The following MAOA variants were observed in gnomAD, a reference collection of about 807,000 sequenced individuals.
MAOA encodes amine oxidase [flavin-containing] A.
In MAOA, 6 loss-of-function variants were observed where a neutral mutation model predicts 42.0. The observed-to-expected ratio is 0.14, with a 90% CI of 0.08 to 0.28. MAOA has a LOEUF of 0.28. Among genes scored for constraint, MAOA ranks in the 10% least tolerant of loss-of-function variants. The probability of loss-of-function intolerance (pLI) is 1.00; values close to 1 mark genes in which losing one functional copy is unlikely to be tolerated. For missense variants in MAOA, 262 were observed against 422.3 expected (o/e 0.62, Z 3.33); for synonymous variants, 140 against 154.0 (o/e 0.91, Z 0.67).
In MAOA at chrX:43,683,626, T is replaced by C. The variant is rs374766274; in HGVS notation, c.168+19T>C. The C allele has an allele frequency of 6.3e-6, 7 of 1,107,312 alleles. No homozygotes were observed. The highest frequency in any genetic ancestry group is 4.8e-4 in the Middle Eastern group (2 of 4,150). The allele number at this position is 1,107,312 out of a possible 1,213,427, so 91.3% of individuals were successfully genotyped here. On this transcript the variant is annotated intron_variant, in intron 2 of 14. Coordinates refer to ENST00000338702, the MANE Select transcript of MAOA (RefSeq NM_000240.4). ...TATAAGGGTAAGTGATTTTAATACT[T>C]ACATGTAATGTAATATCTCACTCAA...
intron 1 of MAOA, among the ~76,000 whole-genome samples, chrX:43,659,441 T>C (rs1009626444): frequency 9.0e-6 from 1 of 111,691 alleles, no homozygotes; most frequent in Admixed American, 9.6e-5. Flanking sequence ...GGATCCTGAA[T>C]TTTTATCCCA....
intron 5 of MAOA, among the ~76,000 whole-genome samples, chrX:43,721,245 G>A (rs1206151198): frequency 9.0e-6 from 1 of 111,461 alleles, no homozygotes; most frequent in African/African-American, 3.3e-5. Context: ...AGAGGACAGG[G>A]ACAAGCTTTT....
At chrX:43,721,680 C>A (rs2033789947) in intron 5 of MAOA, among the ~76,000 whole-genome samples, 1 of 106,521 alleles carries the variant, frequency 9.4e-6, no homozygotes, top group African/African-American at 3.6e-5. Context: ...GGAGCTAACT[C>A]ATAATTTCTT....
chrX:43,715,370 C>T (rs748441031), intron 5 of MAOA, among the ~76,000 whole-genome samples: 2 of 110,583 alleles, frequency 1.8e-5, no homozygotes, highest in Non-Finnish European at 3.8e-5. Flanking sequence ...ATATACCTTC[C>T]AGGAATGGTC....
chrX:43,688,169 T>C (rs2033502535), intron 2 of MAOA, among the ~76,000 whole-genome samples: 1 of 112,935 alleles, frequency 8.9e-6, no homozygotes. Context: ...TGTAACCTCA[T>C]CTTCAATTTT....
At chrX:43,685,407 G>T (rs937489672) in intron 2 of MAOA, among the ~76,000 whole-genome samples, 9 of 111,642 alleles carry the variant, frequency 8.1e-5, no homozygotes, top group Non-Finnish European at 1.1e-4. Flanking sequence ...CAGGGATCCT[G>T]GGAAAGTAAG....
chrX:43,695,994 A>C (rs1257502201), intron 3 of MAOA, among the ~76,000 whole-genome samples: 1 of 111,808 alleles, frequency 8.9e-6, no homozygotes, highest in Non-Finnish European at 1.9e-5. Flanking sequence ...ATGTCTCTGA[A>C]ATTTTCTGGG....
At chrX:43,688,287 G>A (rs1259627220) in intron 2 of MAOA, among the ~76,000 whole-genome samples, 6 of 111,588 alleles carry the variant, frequency 5.4e-5, no homozygotes, top group African/African-American at 1.6e-4. Flanking sequence ...AGGAGTTTTT[G>A]CTTTTTTTTT....
chrX:43,703,252 C>G (rs2033637105), intron 3 of MAOA, among the ~76,000 whole-genome samples: 1 of 111,317 alleles, frequency 9.0e-6, no homozygotes, highest in African/African-American at 3.3e-5. Context: ...CTGTGATACA[C>G]AAGGTGGATG....
At chrX:43,743,723 G>A (rs2033977718) in intron 12 of MAOA, 71 bp from the exon 13 acceptor site, 10 of 1,058,354 alleles carry the variant, frequency 9.4e-6, no homozygotes, top group East Asian at 3.3e-5. Context: ...ACTAAATGAG[G>A]GCAGTGATTG....
intron 2 of MAOA, 57 bp from the exon 3 acceptor site, chrX:43,693,234 A>T (rs750163160): frequency 2.4e-5 from 27 of 1,119,008 alleles, no homozygotes; most frequent in Non-Finnish European, 1.4e-5. Flanking sequence ...TTTTTACAAG[A>T]CACCTTTTTT....
Position 43,743,794 on chromosome X carries a change from G to C in MAOA, c.1263G>C (p.Arg421Ser), listed in dbSNP as rs1382723471. ...FPPGIMTQYG[R>S]VIRQPVGRIF... ...GTGTAACCTCTTGGTTCCCTTGAAGGGTGATTCGTCAACCCGTGGGCAGGA... is the reference window on the plus strand; with the variant it reads ...GTGTAACCTCTTGGTTCCCTTGAAGCGTGATTCGTCAACCCGTGGGCAGGA... Residue 421 changes from arginine (R) to serine (S), a missense_variant and splice_region_variant, in exon 13 of 15, where the codon AGG becomes AGC. Coordinates refer to ENST00000338702, the MANE Select transcript of MAOA (RefSeq NM_000240.4). 8.6e-7 allele frequency: 1 copy of C among 1,166,225 alleles called. No homozygotes were observed. Among genetic ancestry groups the C allele is most frequent in the Non-Finnish European group, 1.1e-6 (1 of 872,811 alleles).
At chrX:43,731,898 T>G (rs1248654776) in intron 8 of MAOA, 45 bp downstream of exon 8, 1 of 1,089,003 alleles carries the variant, frequency 9.2e-7, no homozygotes, top group African/African-American at 1.8e-5. Context: ...TATGAAGAAA[T>G]CACAGTCTTT....
chrX:43,730,223 A>G (rs1185086505), intron 6 of MAOA, among the ~76,000 whole-genome samples: 1 of 107,188 alleles, frequency 9.3e-6, no homozygotes, highest in Non-Finnish European at 1.9e-5. Flanking sequence ...AGAATCTTCT[A>G]TAATAGGCTA....
chrX:43,728,162 T>A lies in MAOA; in HGVS notation c.504-11T>A. 5 of 1,209,137 alleles carry A rather than the reference T, an allele frequency of 4.1e-6. No homozygotes were observed. The highest frequency in any genetic ancestry group is 5.6e-6 in the Non-Finnish European group (5 of 893,057). On this transcript the variant is annotated splice_polypyrimidine_tract_variant and intron_variant, in intron 5 of 14. Coordinates refer to ENST00000338702, the MANE Select transcript of MAOA (RefSeq NM_000240.4). ...ATTGACACCTGACTTCCACTTTTGTTCTATGAACAGGACTGCTAGGCGGTT... is the reference window on the plus strand; with the variant it reads ...ATTGACACCTGACTTCCACTTTTGTACTATGAACAGGACTGCTAGGCGGTT...
intron 1 of MAOA, among the ~76,000 whole-genome samples, chrX:43,660,369 C>A (rs1211409736): frequency 9.0e-6 from 1 of 110,551 alleles, no homozygotes; most frequent in African/African-American, 3.3e-5. Flanking sequence ...TTCTTAAACA[C>A]TTCTTTCATC....
chrX:43,656,837 C>T (rs2033184205), intron 1 of MAOA, among the ~76,000 whole-genome samples: 1 of 109,675 alleles, frequency 9.1e-6, no homozygotes, highest in Admixed American at 9.8e-5. Flanking sequence ...GATTTTCTCC[C>T]ATTTAAGACC....
chrX:43,721,638 G>C (rs1459208415), intron 5 of MAOA, among the ~76,000 whole-genome samples: 1 of 109,887 alleles, frequency 9.1e-6, no homozygotes, highest in East Asian at 2.8e-4. Flanking sequence ...GAAGCTTATT[G>C]ATGCTTAGAG....
intron 5 of MAOA, among the ~76,000 whole-genome samples, chrX:43,724,274 C>T (rs2033815073): frequency 9.0e-6 from 1 of 111,401 alleles, no homozygotes; most frequent in Non-Finnish European, 1.9e-5. Context: ...CCTCCTTGTA[C>T]CTCTGGTAGA....
Sources: allele counts gnomAD v4.1 joint callset (sites outside exome capture counted in the v4.1 genomes callset), GRCh38; gene constraint gnomAD v4.1.1; transcripts MANE v1.5; gene names NCBI Gene and HGNC (gene_info 2026-07-23, HGNC 2026-07-21).